CHRM3: variants seen among roughly 807,000 people sequenced by gnomAD.
CHRM3 encodes the protein muscarinic acetylcholine receptor M3.
CHRM3 carries 11 observed loss-of-function variants against 41.8 expected under a neutral mutation model. The observed-to-expected ratio is 0.26, with a 90% confidence interval of 0.17 to 0.44. CHRM3 has a LOEUF of 0.44. Among genes scored for constraint, CHRM3 ranks in the 20% least tolerant of loss-of-function variants. The pLI, the probability that CHRM3 is intolerant of heterozygous loss-of-function variation, is 1.00. For synonymous variants in CHRM3, 297 were observed against 301.4 expected (o/e 0.99, Z 0.15); for missense variants, 571 against 745.4 (o/e 0.77, Z 2.72).
At chr1:239,496,547 A>G (rs2148103878) in intron 2 of CHRM3, among the ~76,000 whole-genome samples, 1 of 129,864 alleles carries the variant, frequency 7.7e-6, no homozygotes, top group East Asian at 2.1e-4. Context: ...GTGTGTGTAT[A>G]ATTATATATA....
intron 5 of CHRM3, among the ~76,000 whole-genome samples, chr1:239,713,806 C>A (rs1264333536): frequency 6.6e-6 from 1 of 152,156 alleles, no homozygotes; most frequent in Non-Finnish European, 1.5e-5. Context: ...ATGCCTTAGT[C>A]TGGATGATAA....
intron 1 of CHRM3, among the ~76,000 whole-genome samples, chr1:239,389,556 C>A (rs1658839483): frequency 6.6e-6 from 1 of 151,986 alleles, no homozygotes; most frequent in South Asian, 2.1e-4. Context: ...ATATTTTAGC[C>A]TTTAATTGCA....
chr1:239,681,308 T>C (rs7553453), intron 5 of CHRM3, among the ~76,000 whole-genome samples: 9,330 of 152,206 alleles, frequency 0.061, 730 homozygotes, highest in African/African-American at 0.18. Flanking sequence ...TAAGGTGTCA[T>C]AAGAAAGTTT....
At chr1:239,785,999 C>T (rs990395794) in intron 5 of CHRM3, among the ~76,000 whole-genome samples, 3 of 152,116 alleles carry the variant, frequency 2.0e-5, no homozygotes, top group African/African-American at 7.2e-5. Flanking sequence ...GGTTCAAGTG[C>T]TTACACAATA....
At chr1:239,632,581 T>C (rs1433558375) in intron 4 of CHRM3, among the ~76,000 whole-genome samples, 4 of 152,236 alleles carry the variant, frequency 2.6e-5, no homozygotes, top group Non-Finnish European at 5.9e-5. Context: ...TTTTGAAATA[T>C]TGCAAAATGT....
At chr1:239,759,953 C>G (rs541808820) in intron 5 of CHRM3, among the ~76,000 whole-genome samples, 1 of 152,046 alleles carries the variant, frequency 6.6e-6, no homozygotes, top group Non-Finnish European at 1.5e-5. Flanking sequence ...CTCGCTCCAT[C>G]GCCTAGGCTG....
At chr1:239,519,256 A>G (rs1009214639) in intron 2 of CHRM3, among the ~76,000 whole-genome samples, 2 of 152,202 alleles carry the variant, frequency 1.3e-5, no homozygotes, top group African/African-American at 4.8e-5. Flanking sequence ...GTTATGTACA[A>G]TCTTCTAGAT....
chr1:239,435,457 T>A (rs866331608), intron 1 of CHRM3, among the ~76,000 whole-genome samples: 1,982 of 136,292 alleles, frequency 0.015, 43 homozygotes, highest in African/African-American at 0.05. Flanking sequence ...TCATAAAATT[T>A]AAAAAAAAAA....
intron 5 of CHRM3, among the ~76,000 whole-genome samples, chr1:239,824,831 C>T (rs551813214): frequency 6.6e-6 from 1 of 152,180 alleles, no homozygotes; most frequent in Non-Finnish European, 1.5e-5. Context: ...AGTGGCTCTG[C>T]CTGAAAGATT....
chr1:239,565,428 G>A (rs1899620), intron 3 of CHRM3, among the ~76,000 whole-genome samples: 11,598 of 152,084 alleles, frequency 0.076, 741 homozygotes, highest in African/African-American at 0.17. Context: ...AGTTCAGGAG[G>A]GAAGGTATTT....
At chr1:239,688,631 C>T (rs2883621) in intron 5 of CHRM3, among the ~76,000 whole-genome samples, 71,670 of 128,646 alleles carry the variant, frequency 0.56, 20,427 homozygotes, top group African/African-American at 0.66. Context: ...CAGTATAATA[C>T]ATAATATATA....
Position 239,597,886 on chromosome 1 carries a change from G to A in CHRM3, c.-312-34338G>A, listed in dbSNP as rs568501062. On this transcript the variant is annotated intron_variant, in intron 3 of 6. Transcript: ENST00000676153. ...TTTTTTTTTTTTTTTTAGGGGAAAG[G>A]AGAGCTTTGACAAATCTTTCTTTCT... 2.9e-3 allele frequency among the ~76,000 whole-genome samples: 352 copies of A among 122,816 alleles called. 2 individuals carry two copies. Among genetic ancestry groups the A allele is most frequent in the African/African-American group, 9.0e-3 (331 of 36,588 alleles). The allele number at this position is 122,816 out of a possible 152,430, so 80.6% of individuals were successfully genotyped here. A position where few individuals can be genotyped will look rare whatever the true frequency, so the allele number is the denominator to read the frequency against.
At chr1:239,401,262 T>C (rs1659948369) in intron 1 of CHRM3, among the ~76,000 whole-genome samples, 1 of 152,134 alleles carries the variant, frequency 6.6e-6, no homozygotes, top group Non-Finnish European at 1.5e-5. Context: ...ATTCTCCAGC[T>C]TCATCAAAAA....
intron 5 of CHRM3, among the ~76,000 whole-genome samples, chr1:239,764,684 A>G (rs1395181310): frequency 6.6e-6 from 1 of 152,236 alleles, no homozygotes; most frequent in Non-Finnish European, 1.5e-5. Context: ...TAACAGGCAA[A>G]TCTCCAACTA....
At chr1:239,689,565 T>C (rs1659508979) in intron 5 of CHRM3, among the ~76,000 whole-genome samples, 1 of 152,184 alleles carries the variant, frequency 6.6e-6, no homozygotes, top group African/African-American at 2.4e-5. Flanking sequence ...TGTATTCAAC[T>C]TATGTTGGAG....
chr1:239,618,834 ACT>A, intron 3 of CHRM3, among the ~76,000 whole-genome samples: 1 of 123,632 alleles, frequency 8.1e-6, no homozygotes, highest in Admixed American at 8.2e-5. Context: ...ACAGAGCGAG[ACT>A]CTGTCAGAAA....
intron 2 of CHRM3, among the ~76,000 whole-genome samples, chr1:239,532,303 G>A (rs1483815262): frequency 1.4e-5 from 2 of 142,672 alleles, no homozygotes; most frequent in African/African-American, 2.5e-5. Context: ...GAGCCACCGC[G>A]CCCGGCTGGT....
intron 6 of CHRM3, among the ~76,000 whole-genome samples, chr1:239,899,307 G>GTGTGTA (rs1553299940): frequency 9.4e-6 from 1 of 106,588 alleles, no homozygotes; most frequent in African/African-American, 4.1e-5. Context: ...GTGTGTGTGT[G>GTGTGTA]TATATACACA....
intron 2 of CHRM3, among the ~76,000 whole-genome samples, chr1:239,544,226 C>G: frequency 6.6e-6 from 1 of 152,170 alleles, no homozygotes; most frequent in East Asian, 1.9e-4. Context: ...TTTCCTAGCT[C>G]CTAGTAATCA....
Sources: allele counts gnomAD v4.1 joint callset (sites outside exome capture counted in the v4.1 genomes callset), GRCh38; gene constraint gnomAD v4.1.1; transcripts MANE v1.5; gene names NCBI Gene and HGNC (gene_info 2026-07-23, HGNC 2026-07-21).